The following SMAD7 variants were observed in gnomAD, a reference collection of about 807,000 sequenced individuals.
The protein encoded by SMAD7 is MAD (mothers against decapentaplegic, Drosophila) homolog 7.
A neutral mutation model predicts 38.7 loss-of-function variants in SMAD7; 8 were observed. That is an observed-to-expected ratio of 0.21 (90% CI 0.12 to 0.37). SMAD7 has a LOEUF of 0.37. Ranked by LOEUF, SMAD7 falls within the 10% of genes least tolerant of loss-of-function variation. The probability of loss-of-function intolerance (pLI) is 1.00; values close to 1 mark genes in which losing one functional copy is unlikely to be tolerated. For synonymous variants in SMAD7, 327 were observed against 265.1 expected (o/e 1.23, Z -2.27); for missense variants, 477 against 577.9 (o/e 0.83, Z 1.79).
chr18:48,931,857 A>C (rs9946510), intron 3 of SMAD7, among the ~76,000 whole-genome samples: 37,235 of 152,218 alleles, frequency 0.24, 4,976 homozygotes, highest in Middle Eastern at 0.36. Flanking sequence ...GCTGGCCCCG[A>C]CATTGTAATT....
At chr18:48,947,532 C>A (rs2070208601) in intron 2 of SMAD7, among the ~76,000 whole-genome samples, 1 of 152,138 alleles carries the variant, frequency 6.6e-6, no homozygotes, top group Non-Finnish European at 1.5e-5. Flanking sequence ...GCACAAAAAC[C>A]AAGGTTACAT....
chr18:48,936,558 T>C (rs2070069053), intron 3 of SMAD7, among the ~76,000 whole-genome samples: 1 of 152,218 alleles, frequency 6.6e-6, no homozygotes, highest in Non-Finnish European at 1.5e-5. Flanking sequence ...TTCTCTCAAA[T>C]GTCTCTACAA....
At chr18:48,946,472 T>C (rs1404122149) in intron 2 of SMAD7, among the ~76,000 whole-genome samples, 1 of 151,890 alleles carries the variant, frequency 6.6e-6, no homozygotes, top group Non-Finnish European at 1.5e-5. Flanking sequence ...TGTCCTCCAA[T>C]GTGGCAGGAC....
At chr18:48,941,471 T>TA (rs1239644127) in intron 3 of SMAD7, among the ~76,000 whole-genome samples, 3 of 151,998 alleles carry the variant, frequency 2.0e-5, no homozygotes, top group Non-Finnish European at 4.4e-5. Context: ...CACCACCAAG[T>TA]AGTCAGAGCA....
rs1319183228 is a variant in SMAD7, at chr18:48,942,417, C to T, written c.742+64G>A. 3.4e-6 allele frequency: 4 copies of T among 1,170,092 alleles called. No homozygotes were observed. In the African/African-American group the frequency reaches 4.6e-5, roughly 14 times the overall value. 72.5% of individuals were successfully genotyped at this position (1,170,092 alleles called of 1,614,324 possible). On this transcript the variant is annotated intron_variant, in intron 3 of 3. Coordinates refer to ENST00000262158, the MANE Select transcript of SMAD7 (RefSeq NM_005904.4). ...GGGTGGCAGAAGGCCACCCCCATTC[C>T]TCCAGTCTTTAGCAATTTCAAAAAA...
chr18:48,948,292 C>T, intron 2 of SMAD7, 92 bp downstream of exon 2: 2 of 821,206 alleles, frequency 2.4e-6, no homozygotes, highest in Non-Finnish European at 3.9e-6. Context: ...CCAGCACCTC[C>T]CCAAGCCTTT....
intron 3 of SMAD7, among the ~76,000 whole-genome samples, chr18:48,936,094 ACACACACACACACACACACACAC>A (rs1269833922): frequency 0.027 from 835 of 31,340 alleles, 7 homozygotes; most frequent in African/African-American, 0.18. Context: ...ACACACACAC[ACACACACACACACACACACACAC>A]CACACACACA....
chr18:48,934,706 CAT>C (rs1268024482), intron 3 of SMAD7, among the ~76,000 whole-genome samples: 4 of 151,422 alleles, frequency 2.6e-5, no homozygotes, highest in Non-Finnish European at 5.9e-5. Flanking sequence ...ATAAAAATAA[CAT>C]AAAGTTCTCA....
chr18:48,924,332 G>C (rs959225451), intron 3 of SMAD7, among the ~76,000 whole-genome samples: 6 of 152,104 alleles, frequency 3.9e-5, no homozygotes, highest in Non-Finnish European at 8.8e-5. Flanking sequence ...AGGAGCAAGG[G>C]AGTGAGTGGA....
At position 48,948,418 on chromosome 18, in the gene SMAD7, G is replaced by A. The variant is rs771801533; in HGVS notation, c.633C>T (p.Tyr211=). ...TGAGAAAATCCATCGGGTATCTGGA[G>A]TAAGGAGGGGGGGGAGACTCTGAAA... ...LCELESPPPP[Y]SRYPMDFLKP... The change falls in exon 2 of 4, where the codon TAC becomes TAT. Residue 211 remains tyrosine (Y), a synonymous_variant. Transcript: ENST00000262158. 3.1e-6 allele frequency: 5 copies of A among 1,600,058 alleles called. No homozygotes were observed. The highest frequency in any genetic ancestry group is 1.7e-6 in the Non-Finnish European group (2 of 1,173,564).
At chr18:48,938,019 A>G (rs560993008) in intron 3 of SMAD7, among the ~76,000 whole-genome samples, 1 of 152,332 alleles carries the variant, frequency 6.6e-6, no homozygotes, top group East Asian at 1.9e-4. Flanking sequence ...GTTCATGATC[A>G]CAATTCCAAG....
Position 48,921,356 on chromosome 18 carries a change from T to C in SMAD7, c.*16A>G. The stretch of plus-strand genomic sequence containing the variant: ...TGTGGCCTGCTCAGCTCACGCTCTG[T>C]CCCCTCCGCACGCGGCTACCGGCTG... On this transcript the variant is annotated 3_prime_UTR_variant, in exon 4 of 4. Coordinates refer to ENST00000262158, the MANE Select transcript of SMAD7 (RefSeq NM_005904.4). This position sits in a 1 kb window ranked among gnomAD's most constrained non-coding sequence, Gnocchi z 6.4. 1 of 1,601,956 alleles carries C rather than the reference T, an allele frequency of 6.2e-7. No homozygotes were observed. Among genetic ancestry groups the C allele is most frequent in the African/African-American group, 1.3e-5 (1 of 74,874 alleles).
chr18:48,921,834 C>A lies in SMAD7; in HGVS notation c.819G>T (p.Val273=). 6.2e-7 allele frequency: 1 copy of A among 1,613,892 alleles called. No individual in the cohort carries two copies. The highest frequency in any genetic ancestry group is 8.5e-7 in the Non-Finnish European group (1 of 1,179,954). ...GCTCCTGGACACAGTAGAGCCTCCC[C>A]ACTCTCGTCTTCTCCTCCCAGTATG... ...VVAYWEEKTR[V]GRLYCVQEPS... The change falls in exon 4 of 4, where the codon GTG becomes GTT. Residue 273 remains valine, a synonymous_variant. Coordinates refer to ENST00000262158, the MANE Select transcript of SMAD7 (RefSeq NM_005904.4). The surrounding 1 kb of genome is among the most constrained non-coding windows in gnomAD (Gnocchi z 6.4).
At chr18:48,933,414 A>G (rs1475048402) in intron 3 of SMAD7, among the ~76,000 whole-genome samples, 1 of 152,190 alleles carries the variant, frequency 6.6e-6, no homozygotes, top group Non-Finnish European at 1.5e-5. Flanking sequence ...TCCAACTGCC[A>G]ATTCTTAATT....
chr18:48,921,565 C>G lies in SMAD7; in HGVS notation c.1088G>C (p.Gly363Ala). The change falls in exon 4 of 4, where the codon GGT becomes GCT. Residue 363 changes from glycine to alanine, a missense_variant. By Grantham distance (60) the Gly-to-Ala change is moderately conservative. This residue lies in a region of SMAD7 where 101 missense variants were observed against 198.5 expected (regional missense o/e 0.51). Coordinates refer to ENST00000262158, the MANE Select transcript of SMAD7 (RefSeq NM_005904.4). The surrounding 1 kb of genome is among the most constrained non-coding windows in gnomAD (Gnocchi z 6.4). ...GTAGTCGAAAGCCTTGATGGAGAAACCGGGGAACACCTTGTGTACCAACAG... is the reference window on the plus strand; with the variant it reads ...GTAGTCGAAAGCCTTGATGGAGAAAGCGGGGAACACCTTGTGTACCAACAG... ...RTLLVHKVFP[G>A]FSIKAFDYEK... is the part of the protein sequence containing the mutation. The G allele has an allele frequency of 1.2e-6, 2 of 1,614,216 alleles. No individual in the cohort carries two copies. Among genetic ancestry groups the G allele is most frequent in the East Asian group, 2.2e-5 (1 of 44,880 alleles).
chr18:48,944,674 G>A (rs2070177214), intron 2 of SMAD7, among the ~76,000 whole-genome samples: 1 of 152,162 alleles, frequency 6.6e-6, no homozygotes, highest in African/African-American at 2.4e-5. Flanking sequence ...TTTCCTGGAG[G>A]TGGCCAGGCC....
chr18:48,922,086 A>G (rs1322802894), intron 3 of SMAD7, among the ~76,000 whole-genome samples, 176 bp from the exon 4 acceptor site: 3 of 152,228 alleles, frequency 2.0e-5, no homozygotes, highest in African/African-American at 4.8e-5. Flanking sequence ...CCCTTTGACC[A>G]GGACCCTGCC....
At chr18:48,934,851 G>A (rs2070045746) in intron 3 of SMAD7, among the ~76,000 whole-genome samples, 1 of 151,588 alleles carries the variant, frequency 6.6e-6, no homozygotes, top group African/African-American at 2.4e-5. Flanking sequence ...TTTCTCTGGA[G>A]TTATTCTCAA....
At chr18:48,941,185 C>G (rs530596504) in intron 3 of SMAD7, among the ~76,000 whole-genome samples, 14 of 152,298 alleles carry the variant, frequency 9.2e-5, no homozygotes, top group African/African-American at 3.1e-4. Context: ...TCACACACTG[C>G]TGCCTTTTCT....
Sources: allele counts gnomAD v4.1 joint callset (sites outside exome capture counted in the v4.1 genomes callset), GRCh38; gene constraint gnomAD v4.1.1; regional missense constraint gnomAD v4.1.1; non-coding constraint Gnocchi (gnomAD v3.1); transcripts MANE v1.5; gene names NCBI Gene and HGNC (gene_info 2026-07-23, HGNC 2026-07-21).